USP38: variants seen among roughly 807,000 people sequenced by gnomAD.
USP38 encodes the protein ubiquitin specific peptidase 38.
USP38 carries 49 observed loss-of-function variants against 94.3 expected under a neutral mutation model. The ratio of observed to expected loss-of-function variants is 0.52; its 90% CI spans 0.41 to 0.66. The LOEUF is 0.66. Ranked by LOEUF, USP38 falls within the 30% of genes least tolerant of loss-of-function variation. The pLI is 0.00. For synonymous variants in USP38, 468 were observed against 463.6 expected (o/e 1.01, Z -0.12); for missense variants, 1,128 against 1,229.4 (o/e 0.92, Z 1.23).
At chr4:143,210,348 A>T (rs1188560864) in intron 7 of USP38, among the ~76,000 whole-genome samples, 1 of 152,088 alleles carries the variant, frequency 6.6e-6, no homozygotes, top group Non-Finnish European at 1.5e-5. Flanking sequence ...TAACACTTGG[A>T]GGCCAAGGCA....
At chr4:143,195,942 A>G (rs1229537327) in intron 3 of USP38, 97 bp downstream of exon 3, 6 of 1,174,044 alleles carry the variant, frequency 5.1e-6, no homozygotes, top group Admixed American at 6.4e-5. Flanking sequence ...AATTTTGAAT[A>G]TGTTATTGTT....
Position 143,223,121 on chromosome 4 carries a change from T to C in USP38, c.*2665T>C, listed in dbSNP as rs116217246. The C allele has an allele frequency of 2.1e-3, 324 of 152,274 alleles. 3 individuals carry two copies. Among genetic ancestry groups the C allele is most frequent in the African/African-American group, 7.5e-3 (311 of 41,572 alleles). 9.4% of individuals were successfully genotyped at this position (152,274 alleles called of 1,614,324 possible). A position where few individuals can be genotyped will look rare whatever the true frequency, so the allele number is the denominator to read the frequency against. ...TATGCAAAGAAGGAAATATATATGATGTCACACAAGCTCCAGTAAGCTATC... is the reference window on the plus strand; with the variant it reads ...TATGCAAAGAAGGAAATATATATGACGTCACACAAGCTCCAGTAAGCTATC... On this transcript the variant is annotated 3_prime_UTR_variant, in exon 10 of 10. Coordinates refer to ENST00000307017, the MANE Select transcript of USP38 (RefSeq NM_032557.6).
intron 2 of USP38, among the ~76,000 whole-genome samples, chr4:143,189,124 G>T (rs192492703): frequency 6.6e-6 from 1 of 152,094 alleles, no homozygotes; most frequent in East Asian, 1.9e-4. Flanking sequence ...GATGAAGAAG[G>T]CTTCACTAAG....
rs4285045 is a variant in USP38 at position 143,214,565 on chromosome 4, G to A, written c.2589G>A (p.Arg863=). The A allele has an allele frequency of 0.69, 1,108,559 of 1,613,014 alleles. 383,132 individuals carry two copies. Among genetic ancestry groups the A allele is most frequent in the African/African-American group, 0.84 (62,639 of 74,950 alleles). ...GTGGGCATTACTATTCTTATGCCAG[G>A]AATATCACAAGTACAGACTCTTCAT... ...SESGHYYSYA[R]NITSTDSSYQ... is the part of the protein sequence containing the mutation. Residue 863 remains arginine, a synonymous_variant, in exon 9 of 10, where the codon AGG becomes AGA. Transcript: ENST00000307017.
chr4:143,201,469 C>G (rs1731712580), intron 4 of USP38, among the ~76,000 whole-genome samples: 2 of 152,046 alleles, frequency 1.3e-5, no homozygotes, highest in Admixed American at 1.3e-4. Flanking sequence ...GAGGACATTC[C>G]TTAATCTAGT....
In USP38 at chr4:143,185,409, C is replaced by A; in HGVS notation, c.-42C>A. ...TGCCCCACCTCGGGGCTGCCGCCAC[C>A]CGCTCCTTATCCCCTGGCCCTGGCC... On this transcript the variant is annotated 5_prime_UTR_variant, in exon 1 of 10. Transcript: ENST00000307017. 1 of 1,524,962 alleles carries A rather than the reference C, an allele frequency of 6.6e-7. No homozygotes were observed. Among genetic ancestry groups the A allele is most frequent in the East Asian group, 2.3e-5 (1 of 44,016 alleles). 94.5% of individuals were successfully genotyped at this position (1,524,962 alleles called of 1,614,324 possible). A position where few individuals can be genotyped will look rare whatever the true frequency, so the allele number is the denominator to read the frequency against.
intron 4 of USP38, among the ~76,000 whole-genome samples, chr4:143,198,853 C>G (rs942926556): frequency 3.9e-5 from 6 of 152,146 alleles, no homozygotes; most frequent in African/African-American, 1.4e-4. Flanking sequence ...ATGTATAATA[C>G]AAACAGAACT....
At chr4:143,205,270 G>C (rs549502746) in intron 5 of USP38, among the ~76,000 whole-genome samples, 118 of 152,234 alleles carry the variant, frequency 7.8e-4, no homozygotes, top group African/African-American at 2.7e-3. Context: ...TGAGAAGATT[G>C]AAACTCCTTC....
At chr4:143,191,484 A>G (rs1731395233) in intron 2 of USP38, among the ~76,000 whole-genome samples, 1 of 152,224 alleles carries the variant, frequency 6.6e-6, no homozygotes, top group Non-Finnish European at 1.5e-5. Flanking sequence ...AACAAATAAA[A>G]GGGAAGGCTG....
At chr4:143,208,228 A>T (rs1731925673) in intron 6 of USP38, among the ~76,000 whole-genome samples, 2 of 152,060 alleles carry the variant, frequency 1.3e-5, no homozygotes, top group Non-Finnish European at 2.9e-5. Flanking sequence ...TTAAATACTC[A>T]TTTAATTTAA....
chr4:143,186,191 C>T lies in USP38; in HGVS notation c.682+59C>T, dbSNP rs28565503. On this transcript the variant is annotated intron_variant, in intron 1 of 9. Coordinates refer to ENST00000307017, the MANE Select transcript of USP38 (RefSeq NM_032557.6). ...AAAATCAGTATATGTCTCTCTTGCA[C>T]ACACACATTCACACCATGTTTTCCT... 8.0e-3 allele frequency: 11,835 copies of T among 1,483,018 alleles called. 186 individuals carry two copies. The highest frequency in any genetic ancestry group is 0.063 in the African/African-American group (4,571 of 72,176). The allele number at this position is 1,483,018 out of a possible 1,614,324, so 91.9% of individuals were successfully genotyped here. A position where few individuals can be genotyped will look rare whatever the true frequency, so the allele number is the denominator to read the frequency against.
At chr4:143,209,411 G>A (rs1222142714) in intron 6 of USP38, among the ~76,000 whole-genome samples, 153 bp from the exon 7 acceptor site, 1 of 151,928 alleles carries the variant, frequency 6.6e-6, no homozygotes, top group Non-Finnish European at 1.5e-5. Flanking sequence ...GGCCGAGGTG[G>A]GTGGATCATT....
rs1292898856 is a variant in USP38, at chr4:143,213,847, C to G, written c.1871C>G (p.Ser624Cys). Residue 624 changes from serine (S) to cysteine (C), a missense_variant, in exon 9 of 10, where the codon TCT becomes TGT. Coordinates refer to ENST00000307017, the MANE Select transcript of USP38 (RefSeq NM_032557.6). ...TDLSLAFCPS[S>C]SLENMSVQDP... ...CTTTCGCTTGCCTTTTGTCCTTCCT[C>G]TTCTTTGGAAAACATGTCTGTCCAA... 1.4e-5 allele frequency: 22 copies of G among 1,613,706 alleles called. No homozygotes were observed. Among genetic ancestry groups the G allele is most frequent in the Non-Finnish European group, 1.8e-5 (21 of 1,179,834 alleles).
rs1731732152 is a variant in USP38, at chr4:143,202,142, CAG to C, written c.1051-1264_1051-1263del. 2.0e-5 allele frequency among the ~76,000 whole-genome samples: 3 copies of C among 152,126 alleles called. No homozygotes were observed. The South Asian group carries it at 6.2e-4, about 32-fold the overall frequency. On this transcript the variant is annotated intron_variant, in intron 4 of 9. Transcript: ENST00000307017. ...ATCTGATAAATGTGGCTTTATGCGACAGAAGTATAATTCATATTTGCTTAGAA... is the reference window on the plus strand; with the variant it reads ...ATCTGATAAATGTGGCTTTATGCGACAAGTATAATTCATATTTGCTTAGAA...
intron 6 of USP38, among the ~76,000 whole-genome samples, chr4:143,208,658 G>T (rs1253036099): frequency 6.6e-6 from 1 of 151,338 alleles, no homozygotes; most frequent in Non-Finnish European, 1.5e-5. Context: ...TTTTTGTTGG[G>T]TCTTTTTTGT....
At chr4:143,191,083 T>C (rs1444924519) in intron 2 of USP38, among the ~76,000 whole-genome samples, 1 of 152,136 alleles carries the variant, frequency 6.6e-6, no homozygotes, top group Middle Eastern at 3.2e-3. Context: ...CTGAAGTAAT[T>C]ACTCTTATAC....
intron 7 of USP38, among the ~76,000 whole-genome samples, chr4:143,211,671 G>A (rs529288660): frequency 1.1e-4 from 17 of 152,242 alleles, no homozygotes; most frequent in Admixed American, 3.9e-4. Context: ...TCACATCTTC[G>A]AGATGCCTTT....
chr4:143,203,318 A>T lies in USP38; in HGVS notation c.1051-90A>T, dbSNP rs1249066437. 5.5e-6 allele frequency: 7 copies of T among 1,281,304 alleles called. No homozygotes were observed. In the African/African-American group the frequency reaches 1.0e-4, roughly 19 times the overall value. The allele number at this position is 1,281,304 out of a possible 1,614,324, so 79.4% of individuals were successfully genotyped here. A position where few individuals can be genotyped will look rare whatever the true frequency, so the allele number is the denominator to read the frequency against. On this transcript the variant is annotated intron_variant, in intron 4 of 9. Coordinates refer to ENST00000307017, the MANE Select transcript of USP38 (RefSeq NM_032557.6). ...TGCACATACAGAAAAGTATCTGCTG[A>T]TCATATATCGTTTGTGTTCTGTTTG...
intron 9 of USP38, 180 bp downstream of exon 9, chr4:143,215,123 T>G: frequency 1.5e-6 from 1 of 645,928 alleles, no homozygotes; most frequent in Non-Finnish European, 2.6e-6. Flanking sequence ...TGTGACAATT[T>G]AAATGAAAAG....
Sources: gnomAD v4.1 joint callset for allele counts (sites outside exome capture counted in the v4.1 genomes callset) on GRCh38, gnomAD v4.1.1 for gene constraint, MANE v1.5 for transcripts, NCBI Gene and HGNC (gene_info 2026-07-23, HGNC 2026-07-21) for gene names.